Variants in SGK2 observed in about 807,000 individuals in gnomAD.
The protein encoded by SGK2 is serine/threonine-protein kinase Sgk2.
Under a neutral mutation model 47.5 loss-of-function variants are expected in SGK2, and 36 were observed. The observed-to-expected ratio is 0.76, with a 90% CI of 0.58 to 1.00. The LOEUF is 1.00. SGK2 is among the 50% of genes least tolerant of loss of function. The pLI, the probability that SGK2 is intolerant of heterozygous loss-of-function variation, is 0.00. For missense variants in SGK2, 404 were observed against 467.4 expected (o/e 0.86, Z 1.25); for synonymous variants, 157 against 181.9 (o/e 0.86, Z 1.10).
chr20:43,569,342 G>C (rs965839772), intron 5 of SGK2, 43 bp from the exon 6 acceptor site: 19 of 1,608,870 alleles, frequency 1.2e-5, no homozygotes, highest in Non-Finnish European at 1.4e-5. Context: ...AAAAGAGGCT[G>C]TTGTGGGCTG....
intron 9 of SGK2, among the ~76,000 whole-genome samples, chr20:43,574,451 G>A (rs1035099927): frequency 2.0e-5 from 3 of 152,250 alleles, no homozygotes; most frequent in East Asian, 1.9e-4. Flanking sequence ...GAGTACTCCC[G>A]GGGCCTTCCG....
At chr20:43,583,201 A>C in intron 12 of SGK2, 1 of 1,289,780 alleles carries the variant, frequency 7.8e-7, no homozygotes, top group Non-Finnish European at 1.0e-6. Context: ...CGGGCCAGGC[A>C]CCAGAAAAGC....
chr20:43,583,220 G>T lies in SGK2; in HGVS notation c.940-1632G>T, dbSNP rs930008695. 6 of 1,289,722 alleles carry T rather than the reference G, an allele frequency of 4.7e-6. No homozygotes were observed. The Admixed American group carries it at 9.2e-5, about 20-fold the overall frequency. The allele number at this position is 1,289,722 out of a possible 1,614,324, so 79.9% of individuals were successfully genotyped here. A position where few individuals can be genotyped will look rare whatever the true frequency, so the allele number is the denominator to read the frequency against. On this transcript the variant is annotated intron_variant, in intron 12 of 12. Transcript: ENST00000373100. ...CCAGGCACCAGAAAAGCTTCTTTTC[G>T]TTGGGATTTTAAAAAGACAGTGAAG...
intron 9 of SGK2, among the ~76,000 whole-genome samples, chr20:43,574,461 G>A (rs2145548944): frequency 6.6e-6 from 1 of 152,296 alleles, no homozygotes; most frequent in Admixed American, 6.5e-5. Flanking sequence ...GGGGCCTTCC[G>A]TTCCCAGGAC....
chr20:43,573,209 C>T (rs2145546438), intron 9 of SGK2, among the ~76,000 whole-genome samples: 1 of 152,362 alleles, frequency 6.6e-6, no homozygotes, highest in Non-Finnish European at 1.5e-5. Context: ...TTTCTTTGGG[C>T]CAGGCGTGGT....
chr20:43,571,120 C>T, intron 8 of SGK2, 60 bp downstream of exon 8: 1 of 1,595,728 alleles, frequency 6.3e-7, no homozygotes, highest in East Asian at 2.2e-5. Flanking sequence ...TGCACAGGTA[C>T]ACTATCTGAC....
At chr20:43,569,026 G>A (rs1170689422) in intron 5 of SGK2, among the ~76,000 whole-genome samples, 1 of 152,192 alleles carries the variant, frequency 6.6e-6, no homozygotes, top group Non-Finnish European at 1.5e-5. Flanking sequence ...AGAGGAAATA[G>A]CATGAGCAAA....
rs149671320 is a variant in SGK2, at chr20:43,560,428, G to A, written c.-24+1269G>A. 9.5e-3 allele frequency among the ~76,000 whole-genome samples: 1,446 copies of A among 151,630 alleles called. 28 individuals are homozygous for A. The highest frequency in any genetic ancestry group is 0.024 in the African/African-American group (1,004 of 41,252). ...ACAGGAGAATTGCTTGAACCCAGGA[G>A]GCGGAGGTTGCAGTGAGCAGAGATT... On this transcript the variant is annotated intron_variant, in intron 1 of 12. Transcript: ENST00000373100.
intron 10 of SGK2, 83 bp from the exon 11 acceptor site, chr20:43,576,141 G>GCCGC (rs1980446594): frequency 9.8e-6 from 15 of 1,534,828 alleles, no homozygotes; most frequent in Non-Finnish European, 1.3e-5. Flanking sequence ...AATCCTCCCA[G>GCCGC]CCGCCCACCT....
At chr20:43,581,627 C>G (rs2145559865) in intron 12 of SGK2, among the ~76,000 whole-genome samples, 1 of 152,154 alleles carries the variant, frequency 6.6e-6, no homozygotes, top group Non-Finnish European at 1.5e-5. Flanking sequence ...ATCTCAGGTT[C>G]AAGCAATTCT....
intron 11 of SGK2, among the ~76,000 whole-genome samples, chr20:43,576,753 A>G (rs1401897203): frequency 1.3e-5 from 2 of 152,242 alleles, no homozygotes; most frequent in African/African-American, 4.8e-5. Context: ...CAGCCTGGCC[A>G]ACATGGTGTA....
At chr20:43,576,558 GTCAA>G (rs1248180343) in intron 11 of SGK2, among the ~76,000 whole-genome samples, 179 bp downstream of exon 11, 1 of 150,750 alleles carries the variant, frequency 6.6e-6, no homozygotes, top group East Asian at 1.9e-4. Flanking sequence ...AGTTCTCTTA[GTCAA>G]TCAATATTTA....
chr20:43,573,185 C>T (rs1305408710), intron 9 of SGK2, among the ~76,000 whole-genome samples: 1 of 152,184 alleles, frequency 6.6e-6, no homozygotes, highest in African/African-American at 2.4e-5. Context: ...CTCTGCAGCC[C>T]TGAAGTTAAA....
chr20:43,570,902 T>C, intron 7 of SGK2, 122 bp from the exon 8 acceptor site: 1 of 1,500,002 alleles, frequency 6.7e-7, no homozygotes, highest in Non-Finnish European at 9.2e-7. Flanking sequence ...GGGCTCTCCT[T>C]CTGCATCTCT....
At chr20:43,564,278 A>G (rs879309759) in intron 1 of SGK2, among the ~76,000 whole-genome samples, 1 of 152,228 alleles carries the variant, frequency 6.6e-6, no homozygotes, top group Non-Finnish European at 1.5e-5. Flanking sequence ...GAAAGGCCAA[A>G]AGGACCAAGT....
At chr20:43,580,086 T>C (rs764085115) in intron 12 of SGK2, 25 bp downstream of exon 12, 3 of 1,464,618 alleles carry the variant, frequency 2.0e-6, no homozygotes, top group Admixed American at 4.3e-5. Flanking sequence ...CATTCTAGAC[T>C]CTGGATTTCC....
At chr20:43,575,641 G>T (rs1047022512) in intron 10 of SGK2, among the ~76,000 whole-genome samples, 6 of 152,148 alleles carry the variant, frequency 3.9e-5, no homozygotes, top group Non-Finnish European at 7.4e-5. Flanking sequence ...CCTGACCCCA[G>T]TCCTAGGCTG....
chr20:43,561,386 ATTTTTTT>A (rs5841510), intron 1 of SGK2, among the ~76,000 whole-genome samples: 2 of 112,390 alleles, frequency 1.8e-5, no homozygotes, highest in South Asian at 2.9e-4. Context: ...GAGGCTTTGG[ATTTTTTT>A]TTTTTTTTTT....
Position 43,574,983 on chromosome 20 carries a change from C to A in SGK2, c.672C>A (p.Leu224=), listed in dbSNP as rs769081075. 3.7e-6 allele frequency: 6 copies of A among 1,613,600 alleles called. No individual in the cohort carries two copies. Among genetic ancestry groups the A allele is most frequent in the Non-Finnish European group, 5.1e-6 (6 of 1,179,660 alleles). ...AVDWWCLGAV[L]YEMLHGLPPF... is the part of the protein sequence containing the mutation. ...ACTGGTGGTGCTTGGGGGCAGTCCT[C>A]TACGAGATGCTCCATGGCCTGGTGA... The change falls in exon 10 of 13, where the codon CTC becomes CTA. Residue 224 remains leucine (L), a synonymous_variant. Coordinates refer to ENST00000373100, the MANE Select transcript of SGK2 (RefSeq NM_170693.3).
Sources: gnomAD v4.1 joint callset for allele counts (sites outside exome capture counted in the v4.1 genomes callset) on GRCh38, gnomAD v4.1.1 for gene constraint, MANE v1.5 for transcripts, NCBI Gene and HGNC (gene_info 2026-07-23, HGNC 2026-07-21) for gene names.